CNTNAP2: variants seen among roughly 807,000 people sequenced by gnomAD.
CNTNAP2 encodes contactin-associated protein-like 2.
CNTNAP2 carries 98 observed loss-of-function variants against 155.2 expected under a neutral mutation model. The observed-to-expected ratio is 0.63, with a 90% CI of 0.54 to 0.75. The LOEUF is 0.75. CNTNAP2 is among the 30% of genes least tolerant of loss of function. CNTNAP2 has a pLI of 0.00. For synonymous variants in CNTNAP2, 651 were observed against 631.2 expected, an observed-to-expected ratio of 1.03 and a Z score of -0.47; for missense variants, 1,727 against 1,688.1, an observed-to-expected ratio of 1.02 and a Z score of -0.40.
chr7:146,731,772 T>G (rs377135635), intron 1 of CNTNAP2, among the ~76,000 whole-genome samples: 4 of 152,172 alleles, frequency 2.6e-5, no homozygotes, highest in Admixed American at 2.6e-4. Context: ...AAAATTCCTT[T>G]AGGGCATAGG....
chr7:146,634,780 T>C (rs1036609101), intron 1 of CNTNAP2, among the ~76,000 whole-genome samples: 1 of 152,144 alleles, frequency 6.6e-6, no homozygotes, highest in African/African-American at 2.4e-5. Flanking sequence ...CAGTGGCACT[T>C]ATATGTGTCA....
At position 146,574,633 on chromosome 7, in the gene CNTNAP2, G is replaced by A. The variant is rs183220000; in HGVS notation, c.98-199638G>A. 7.2e-5 allele frequency among the ~76,000 whole-genome samples: 11 copies of A among 152,140 alleles called. No homozygotes were observed. In the East Asian group the frequency reaches 1.5e-3, roughly 21 times the overall value. ...GGAGAATTGCTTGAACCTGGGAGGC[G>A]GAGGTTGCTGTGAGCCAAGATCGCA... is the stretch of plus-strand genomic sequence containing the variant. On this transcript the variant is annotated intron_variant, in intron 1 of 23. Coordinates refer to ENST00000361727, the MANE Select transcript of CNTNAP2 (RefSeq NM_014141.6).
At chr7:146,306,346 A>T (rs1243891302) in intron 1 of CNTNAP2, among the ~76,000 whole-genome samples, 1 of 152,194 alleles carries the variant, frequency 6.6e-6, no homozygotes, top group Non-Finnish European at 1.5e-5. Flanking sequence ...ATTCCTTCTG[A>T]AACTATTCCA....
intron 13 of CNTNAP2, among the ~76,000 whole-genome samples, chr7:147,886,517 T>A (rs1032189778): frequency 7.2e-4 from 20 of 27,806 alleles, no homozygotes; most frequent in South Asian, 1.7e-3. Flanking sequence ...TTGGTTGTAA[T>A]CTCTCTCTCT....
chr7:147,507,575 T>TC (rs1798930105), intron 11 of CNTNAP2, among the ~76,000 whole-genome samples: 2 of 118,594 alleles, frequency 1.7e-5, no homozygotes, highest in African/African-American at 6.3e-5. Context: ...TTTTTTTTTT[T>TC]GGAGTCTCGC....
chr7:147,018,415 C>T (rs532762431), intron 3 of CNTNAP2, among the ~76,000 whole-genome samples: 4 of 151,944 alleles, frequency 2.6e-5, no homozygotes, highest in Admixed American at 6.6e-5. Context: ...ATTTGATTTG[C>T]GTGAGAGAAA....
At chr7:146,717,963 G>A in intron 1 of CNTNAP2, among the ~76,000 whole-genome samples, 1 of 152,036 alleles carries the variant, frequency 6.6e-6, no homozygotes, top group Non-Finnish European at 1.5e-5. Context: ...AAATTAAGCA[G>A]CTTATTTGAA....
At chr7:147,624,531 G>T (rs1794933688) in intron 12 of CNTNAP2, among the ~76,000 whole-genome samples, 2 of 152,140 alleles carry the variant, frequency 1.3e-5, no homozygotes, top group Non-Finnish European at 2.9e-5. Flanking sequence ...TTGATCATCA[G>T]AAAATGCAAA....
In CNTNAP2 at chr7:146,372,736, C is replaced by G. The variant is rs555587561; in HGVS notation, c.97+255763C>G. 2.6e-5 allele frequency among the ~76,000 whole-genome samples: 4 copies of G among 152,202 alleles called. No individual in the cohort carries two copies. The East Asian group carries it at 5.8e-4, about 22-fold the overall frequency. ...TTAGTAGAGTTGAGGAACATCTACT[C>G]TAGGATTCTCCACAGGAGTTCAGCT... On this transcript the variant is annotated intron_variant, in intron 1 of 23. Coordinates refer to ENST00000361727, the MANE Select transcript of CNTNAP2 (RefSeq NM_014141.6).
At chr7:147,233,583 C>CAAAAAAAAAAA (rs11354058) in intron 8 of CNTNAP2, among the ~76,000 whole-genome samples, 2 of 135,960 alleles carry the variant, frequency 1.5e-5, no homozygotes. Flanking sequence ...ACCAAAAAAG[C>CAAAAAAAAAAA]AAAAAAAAAA....
intron 14 of CNTNAP2, among the ~76,000 whole-genome samples, chr7:147,917,363 T>C (rs1800178676): frequency 6.6e-6 from 1 of 152,192 alleles, no homozygotes; most frequent in African/African-American, 2.4e-5. Context: ...ACAAGAGTGC[T>C]TAAACAAGAT....
chr7:148,174,983 C>T (rs1037054673), intron 18 of CNTNAP2, among the ~76,000 whole-genome samples: 2 of 152,046 alleles, frequency 1.3e-5, no homozygotes, highest in African/African-American at 2.4e-5. Flanking sequence ...GTTCAGCTAC[C>T]AATTATGAGT....
chr7:146,611,522 GAA>G (rs1354415224), intron 1 of CNTNAP2, among the ~76,000 whole-genome samples: 2 of 152,116 alleles, frequency 1.3e-5, no homozygotes, highest in African/African-American at 4.8e-5. Flanking sequence ...TTTCACATGT[GAA>G]AGTATTTGAG....
chr7:147,648,377 C>A (rs556952367), intron 13 of CNTNAP2, among the ~76,000 whole-genome samples: 1 of 152,236 alleles, frequency 6.6e-6, no homozygotes, highest in African/African-American at 2.4e-5. Context: ...TCATTTAACT[C>A]TCAAAGTTAC....
At chr7:147,652,401 T>C (rs1228685826) in intron 13 of CNTNAP2, among the ~76,000 whole-genome samples, 1 of 152,200 alleles carries the variant, frequency 6.6e-6, no homozygotes, top group Non-Finnish European at 1.5e-5. Context: ...TTGTCATCTA[T>C]ATATCTAGAT....
At chr7:147,627,529 C>G (rs1358212018) in intron 12 of CNTNAP2, among the ~76,000 whole-genome samples, 6 of 151,880 alleles carry the variant, frequency 4.0e-5, no homozygotes, top group Middle Eastern at 3.4e-3. Flanking sequence ...AACCCTGTCT[C>G]TACTAAAAAT....
chr7:147,083,552 A>ATATATATATATACACATATATATATG (rs1800188067), intron 4 of CNTNAP2, among the ~76,000 whole-genome samples: 1 of 127,712 alleles, frequency 7.8e-6, no homozygotes, highest in Non-Finnish European at 1.5e-5. Flanking sequence ...ATATATATGT[A>ATATATATATATACACATATATATATG]TATATATATA....
chr7:146,256,101 A>G (rs905261332), intron 1 of CNTNAP2, among the ~76,000 whole-genome samples: 1 of 152,204 alleles, frequency 6.6e-6, no homozygotes, highest in African/African-American at 2.4e-5. Flanking sequence ...GAATTCATGC[A>G]TGCATAAAGT....
chr7:146,403,522 C>T (rs1022160598), intron 1 of CNTNAP2, among the ~76,000 whole-genome samples: 3 of 152,160 alleles, frequency 2.0e-5, no homozygotes, highest in South Asian at 4.1e-4. Context: ...TGATCAGTTT[C>T]TAATTAATAC....
Sources: allele counts gnomAD v4.1 joint callset (sites outside exome capture counted in the v4.1 genomes callset), GRCh38; gene constraint gnomAD v4.1.1; transcripts MANE v1.5; gene names NCBI Gene and HGNC (gene_info 2026-07-23, HGNC 2026-07-21).